EXD3: variants seen among roughly 807,000 people sequenced by gnomAD.
EXD3 encodes exonuclease mut-7 homolog.
Under a neutral mutation model 98.0 loss-of-function variants are expected in EXD3, and 92 were observed. The observed-to-expected ratio is 0.94, with a 90% CI of 0.79 to 1.12. The LOEUF (loss-of-function observed/expected upper bound fraction) is 1.12. Ranked by LOEUF, EXD3 falls within the 50% of genes most tolerant of loss-of-function variation. The probability of loss-of-function intolerance (pLI) is 0.00; values close to 1 mark genes in which losing one functional copy is unlikely to be tolerated. For synonymous variants in EXD3, 569 were observed against 526.0 expected (o/e 1.08, Z -1.12); for missense variants, 1,222 against 1,191.6 (o/e 1.03, Z -0.38).
intron 3 of EXD3, among the ~76,000 whole-genome samples, chr9:137,379,989 G>A (rs1836146374): frequency 6.6e-6 from 1 of 151,770 alleles, no homozygotes; most frequent in Non-Finnish European, 1.5e-5. Context: ...CCAGCCTCAG[G>A]GTCCCAGCCC....
At chr9:137,364,923 C>T (rs1009493524) in intron 7 of EXD3, among the ~76,000 whole-genome samples, 3 of 151,740 alleles carry the variant, frequency 2.0e-5, no homozygotes, top group East Asian at 2.0e-4. Flanking sequence ...CGCCTGCTAC[C>T]GTGACCAGCT....
At chr9:137,319,733 A>G (rs1424667323) in intron 19 of EXD3, among the ~76,000 whole-genome samples, 1 of 152,146 alleles carries the variant, frequency 6.6e-6, no homozygotes, top group African/African-American at 2.4e-5. Flanking sequence ...AGCAAGCTCC[A>G]TTCTCCCACC....
intron 3 of EXD3, among the ~76,000 whole-genome samples, chr9:137,379,573 T>C (rs879917171): frequency 8.6e-5 from 13 of 151,690 alleles, no homozygotes; most frequent in Non-Finnish European, 1.3e-4. Flanking sequence ...GATGAACCAT[T>C]CTGAAACCAG....
At chr9:137,379,292 G>T (rs1836092396) in intron 3 of EXD3, among the ~76,000 whole-genome samples, 1 of 144,186 alleles carries the variant, frequency 6.9e-6, no homozygotes, top group African/African-American at 2.7e-5. Context: ...GTGGGTGACG[G>T]TGACCGTTGC....
Position 137,403,590 on chromosome 9 carries a change from C to G in EXD3, c.-47-8186G>C, listed in dbSNP as rs562281057. On this transcript the variant is annotated intron_variant, in intron 1 of 21. Coordinates refer to ENST00000340951, the MANE Select transcript of EXD3 (RefSeq NM_017820.5). This position sits in a 1 kb window ranked among gnomAD's most constrained non-coding sequence, Gnocchi z 6.1. ...CCCGAGCCCCCCAGTTTTCGCCTCT[C>G]TCCTTCTCTTTGCCCCTAAGGGGTT... Among the ~76,000 whole-genome samples the G allele has an allele frequency of 6.8e-5, 6 of 88,888 alleles. 1 individual carries two copies. The East Asian group carries it at 1.5e-3, about 22-fold the overall frequency. 58.3% of individuals were successfully genotyped at this position (88,888 alleles called of 152,430 possible). A position where few individuals can be genotyped will look rare whatever the true frequency, so the allele number is the denominator to read the frequency against.
intron 1 of EXD3, among the ~76,000 whole-genome samples, chr9:137,406,907 A>ACC (rs1837741011): frequency 6.6e-6 from 1 of 151,340 alleles, no homozygotes; most frequent in African/African-American, 2.4e-5. Context: ...CGCTGCGGGG[A>ACC]CCCGACGGGG....
At chr9:137,372,858 G>A (rs371131971) in intron 5 of EXD3, 47 bp downstream of exon 5, 45 of 1,583,708 alleles carry the variant, frequency 2.8e-5, no homozygotes, top group Admixed American at 2.2e-4. Flanking sequence ...TTGCCCCACC[G>A]CCCGAGAAGC....
intron 3 of EXD3, among the ~76,000 whole-genome samples, chr9:137,375,232 C>T (rs1020718381): frequency 2.0e-5 from 3 of 152,188 alleles, no homozygotes; most frequent in Non-Finnish European, 2.9e-5. Flanking sequence ...TGGTCTCGAT[C>T]TCCTGACCTC....
At position 137,395,632 on chromosome 9, in the gene EXD3, C is replaced by G. The variant is rs1157272015; in HGVS notation, c.-47-228G>C. Among the ~76,000 whole-genome samples the G allele has an allele frequency of 2.7e-5, 4 of 150,574 alleles. No individual in the cohort carries two copies. The highest frequency in any genetic ancestry group is 2.6e-4 in the Admixed American group (4 of 15,150). ...CCAGTTCCCTGCCAAACCGTCCCAG[C>G]TTTCAGCAGGGAGGGCAGGGGGTGG... On this transcript the variant is annotated intron_variant, in intron 1 of 21. Transcript: ENST00000340951. This position sits in a 1 kb window ranked among gnomAD's most constrained non-coding sequence, Gnocchi z 6.5.
rs1838102931 is a variant in EXD3, at chr9:137,413,579, C to T, written c.-48+9535G>A. 2.0e-5 allele frequency among the ~76,000 whole-genome samples: 3 copies of T among 149,324 alleles called. No individual in the cohort carries two copies. The South Asian group carries it at 6.4e-4, about 32-fold the overall frequency. On this transcript the variant is annotated intron_variant, in intron 1 of 21. Transcript: ENST00000340951. ...GGAGTGCAGTGGTGCGATCCCAGCT[C>T]ACTGTAACCGCCTCCTGGCTCAAGT...
At chr9:137,354,499 G>T in intron 9 of EXD3, 122 bp from the exon 10 acceptor site, 1 of 1,548,634 alleles carries the variant, frequency 6.5e-7, no homozygotes, top group Non-Finnish European at 8.7e-7. Context: ...GTGCTCACCC[G>T]CCCTGGTGCC....
intron 3 of EXD3, among the ~76,000 whole-genome samples, chr9:137,376,241 G>A (rs1835892245): frequency 6.6e-6 from 1 of 151,076 alleles, no homozygotes; most frequent in Non-Finnish European, 1.5e-5. Context: ...CTACTCGGGA[G>A]GCAGAGGCAG....
rs1834947495 is a variant in EXD3 at position 137,359,587 on chromosome 9, G to A, written c.657-3219C>T. On this transcript the variant is annotated intron_variant, in intron 7 of 21. Transcript: ENST00000340951. ...ATTCCAGCACCCCAAAGTTTCTCCC[G>A]TGTCCATCTCTGTGTATCCCCATCC... is the stretch of plus-strand genomic sequence containing the variant. 2.3e-5 allele frequency among the ~76,000 whole-genome samples: 2 copies of A among 85,150 alleles called. 1 individual carries two copies. Among genetic ancestry groups the A allele is most frequent in the African/African-American group, 6.5e-5 (2 of 30,768 alleles). The allele number at this position is 85,150 out of a possible 152,430, so 55.9% of individuals were successfully genotyped here.
chr9:137,373,358 G>T, intron 4 of EXD3, 68 bp downstream of exon 4: 1 of 1,540,934 alleles, frequency 6.5e-7, no homozygotes, highest in Non-Finnish European at 8.8e-7. Context: ...GCAGGTGGAT[G>T]CCGGGTCCAC....
intron 19 of EXD3, among the ~76,000 whole-genome samples, chr9:137,320,923 C>G (rs902189504): frequency 6.6e-6 from 1 of 152,244 alleles, no homozygotes; most frequent in Non-Finnish European, 1.5e-5. Flanking sequence ...TGAGCACAGA[C>G]AAAGAGAGGC....
intron 17 of EXD3, among the ~76,000 whole-genome samples, chr9:137,328,671 ACTACACGGGG>A (rs1832668790): frequency 2.0e-5 from 1 of 48,978 alleles, no homozygotes; most frequent in Non-Finnish European, 3.4e-5. Flanking sequence ...ACTACACGGG[ACTACACGGGG>A]CTACACGGGA....
At chr9:137,345,213 C>T (rs540845173) in intron 17 of EXD3, among the ~76,000 whole-genome samples, 7 of 152,390 alleles carry the variant, frequency 4.6e-5, no homozygotes, top group Admixed American at 2.6e-4. Context: ...GGGCTCTCGC[C>T]CGGAATGCTT....
At position 137,367,982 on chromosome 9, in the gene EXD3, G is replaced by A. The variant is rs756630500; in HGVS notation, c.470C>T (p.Thr157Met). The A allele has an allele frequency of 5.0e-6, 8 of 1,609,472 alleles. No homozygotes were observed. Among genetic ancestry groups the A allele is most frequent in the South Asian group, 2.2e-5 (2 of 91,010 alleles). Residue 157 changes from threonine (T) to methionine (M), a missense_variant, in exon 6 of 22, where the codon ACG becomes ATG. Physicochemically the swap from Thr to Met is moderately conservative, Grantham distance 81. Coordinates refer to ENST00000340951, the MANE Select transcript of EXD3 (RefSeq NM_017820.5). Reference sequence around the variant, plus strand: ...CTGCAGCTTCAACGTCGCGCCCAGCGTGGCTGCCTGGCAAACACAAAGGCG... The same window carrying A: ...CTGCAGCTTCAACGTCGCGCCCAGCATGGCTGCCTGGCAAACACAAAGGCG... Reference protein sequence around the residue: ...HHEGRFREAATLGATLKLQSE... With the variant: ...HHEGRFREAAMLGATLKLQSE...
chr9:137,372,393 C>T (rs932189786), intron 5 of EXD3, among the ~76,000 whole-genome samples: 2 of 152,208 alleles, frequency 1.3e-5, no homozygotes, highest in African/African-American at 4.8e-5. Context: ...GCACCAGCTG[C>T]TCCCACAGCT....
Sources: allele counts gnomAD v4.1 joint callset (sites outside exome capture counted in the v4.1 genomes callset), GRCh38; gene constraint gnomAD v4.1.1; non-coding constraint Gnocchi (gnomAD v3.1); transcripts MANE v1.5; gene names NCBI Gene and HGNC (gene_info 2026-07-23, HGNC 2026-07-21).